MIA2: variants seen among roughly 807,000 people sequenced by gnomAD.
The protein encoded by MIA2 is melanoma inhibitory activity protein 2.
MIA2 carries 127 observed loss-of-function variants against 167.8 expected under a neutral mutation model. The ratio of observed to expected loss-of-function variants is 0.76; its 90% CI spans 0.66 to 0.88. The LOEUF (loss-of-function observed/expected upper bound fraction) is 0.88. Ranked by LOEUF, MIA2 falls within the 40% of genes least tolerant of loss-of-function variation. The pLI is 0.00. For synonymous variants in MIA2, 552 were observed against 541.9 expected (o/e 1.02, Z -0.26); for missense variants, 1,690 against 1,624.7 (o/e 1.04, Z -0.69).
At chr14:39,347,526 A>G (rs1404679616) in intron 26 of MIA2, 187 bp from the exon 27 acceptor site, 1 of 583,928 alleles carries the variant, frequency 1.7e-6, no homozygotes, top group Admixed American at 3.2e-5. Flanking sequence ...GCCATCATAG[A>G]ACTCTGAGTC....
chr14:39,364,377 T>C (rs1384465825), intron 23 of MIA2, among the ~76,000 whole-genome samples: 1 of 151,640 alleles, frequency 6.6e-6, no homozygotes, highest in Non-Finnish European at 1.5e-5. Flanking sequence ...AAAAAAAAAA[T>C]TGTTTTCTGG....
At chr14:39,289,106 C>T (rs1267795548) in intron 9 of MIA2, among the ~76,000 whole-genome samples, 2 of 151,900 alleles carry the variant, frequency 1.3e-5, no homozygotes, top group African/African-American at 4.8e-5. Flanking sequence ...TCTTCCTGGG[C>T]TTTTCTTTGT....
chr14:39,315,621 G>A, intron 20 of MIA2, 62 bp from the exon 21 acceptor site: 1 of 1,257,538 alleles, frequency 8.0e-7, no homozygotes, highest in Non-Finnish European at 1.1e-6. Context: ...AGTGGTAGAT[G>A]TGAATGTTTT....
At chr14:39,294,120 G>T in intron 12 of MIA2, 49 bp downstream of exon 12, 11 of 1,339,714 alleles carry the variant, frequency 8.2e-6, no homozygotes, top group Non-Finnish European at 1.0e-5. Flanking sequence ...AATAATTTTA[G>T]TTTAATTTTT....
At chr14:39,369,998 T>G (rs971440435) in intron 23 of MIA2, among the ~76,000 whole-genome samples, 1 of 152,224 alleles carries the variant, frequency 6.6e-6, no homozygotes, top group Non-Finnish European at 1.5e-5. Context: ...GAATAATGAT[T>G]CCAAAGCCCC....
At chr14:39,327,083 G>T (rs2067718636) in intron 25 of MIA2, 61 bp downstream of exon 25, 2 of 1,296,362 alleles carry the variant, frequency 1.5e-6, no homozygotes, top group Non-Finnish European at 2.0e-6. Flanking sequence ...GGAATACACA[G>T]GAATGGAAGA....
intron 23 of MIA2, chr14:39,386,761 G>C: frequency 1.5e-6 from 2 of 1,341,066 alleles, no homozygotes; most frequent in East Asian, 4.6e-5. Context: ...TCCTCTAACT[G>C]AAATGCCCGC....
At chr14:39,330,591 T>G (rs970941304) in intron 25 of MIA2, among the ~76,000 whole-genome samples, 76 of 152,292 alleles carry the variant, frequency 5.0e-4, no homozygotes, top group African/African-American at 1.7e-3. Flanking sequence ...TGATCTCCTG[T>G]GGGTATTTTA....
chr14:39,301,039 T>TACACACACAC (rs58641218), intron 14 of MIA2, among the ~76,000 whole-genome samples: 1 of 145,152 alleles, frequency 6.9e-6, no homozygotes, highest in Non-Finnish European at 1.5e-5. Context: ...TACATATACA[T>TACACACACAC]ACACACACAC....
chr14:39,322,235 T>C (rs1245832617), intron 24 of MIA2, among the ~76,000 whole-genome samples: 1 of 152,070 alleles, frequency 6.6e-6, no homozygotes, highest in Non-Finnish European at 1.5e-5. Flanking sequence ...TTTACTGTGG[T>C]CTGCATCATT....
chr14:39,269,910 T>C (rs748270436), intron 6 of MIA2, among the ~76,000 whole-genome samples: 2 of 152,236 alleles, frequency 1.3e-5, no homozygotes, highest in East Asian at 3.8e-4. Flanking sequence ...TTATTAATAC[T>C]TTTTGGCTAT....
At chr14:39,288,085 A>G (rs982825206) in intron 9 of MIA2, among the ~76,000 whole-genome samples, 1 of 152,080 alleles carries the variant, frequency 6.6e-6, no homozygotes, top group African/African-American at 2.4e-5. Context: ...CGGACTTCCC[A>G]AAGTGTTGGG....
intron 7 of MIA2, 98 bp downstream of exon 7, chr14:39,277,163 GAAAC>G: frequency 1.4e-6 from 2 of 1,438,202 alleles, no homozygotes; most frequent in Non-Finnish European, 1.9e-6. Context: ...AAACAAGTTA[GAAAC>G]TACATAGGGA....
Position 39,250,690 on chromosome 14 carries a change from A to G in MIA2, c.1568-2058A>G, listed in dbSNP as rs745396886. 4.6e-5 allele frequency among the ~76,000 whole-genome samples: 6 copies of G among 129,728 alleles called. No homozygotes were observed. The South Asian group carries it at 1.5e-3, about 33-fold the overall frequency. 85.1% of individuals were successfully genotyped at this position (129,728 alleles called of 152,430 possible). A position where few individuals can be genotyped will look rare whatever the true frequency, so the allele number is the denominator to read the frequency against. On this transcript the variant is annotated intron_variant, in intron 4 of 28. Coordinates refer to ENST00000640607, the MANE Select transcript of MIA2 (RefSeq NM_001329214.4). ...CAGCCTGGGCAATAGAGTGAGACTC[A>G]GTCTCAAAAAAAAATATGCATATAT... is the stretch of plus-strand genomic sequence containing the variant.
chr14:39,269,099 T>TTTTTTTTTTTTCTTCCTA, intron 6 of MIA2: 1 of 828,342 alleles, frequency 1.2e-6, no homozygotes, highest in Non-Finnish European at 1.4e-6. Flanking sequence ...TTTTTTTTTT[T>TTTTTTTTTTTTCTTCCTA]GCTAAATGCG....
chr14:39,296,196 G>A (rs532685499), intron 13 of MIA2, among the ~76,000 whole-genome samples: 132 of 152,140 alleles, frequency 8.7e-4, no homozygotes, highest in African/African-American at 2.8e-3. Flanking sequence ...CCCTTTTGCG[G>A]TTAATTCTTT....
intron 25 of MIA2, among the ~76,000 whole-genome samples, chr14:39,328,875 A>G (rs550834769): frequency 4.5e-4 from 68 of 152,238 alleles, no homozygotes; most frequent in Admixed American, 2.8e-3. Context: ...GTAGCCTTGT[A>G]GTATAGCTTG....
At chr14:39,381,027 A>C (rs112289574) in intron 23 of MIA2, among the ~76,000 whole-genome samples, 1,666 of 151,360 alleles carry the variant, frequency 0.011, 26 homozygotes, top group African/African-American at 0.036. Context: ...AAAAACAAAA[A>C]AAAAAAAAAC....
At chr14:39,258,238 G>T (rs1197866850) in intron 6 of MIA2, among the ~76,000 whole-genome samples, 1 of 152,000 alleles carries the variant, frequency 6.6e-6, no homozygotes, top group Non-Finnish European at 1.5e-5. Context: ...TCATAGATTT[G>T]GTATTTTCAA....
Sources: gnomAD v4.1 joint callset for allele counts (sites outside exome capture counted in the v4.1 genomes callset) on GRCh38, gnomAD v4.1.1 for gene constraint, MANE v1.5 for transcripts, NCBI Gene and HGNC (gene_info 2026-07-23, HGNC 2026-07-21) for gene names.